Variants in PTPRM observed in about 807,000 individuals in gnomAD.
PTPRM encodes the protein protein tyrosine phosphatase receptor type M.
In PTPRM, 47 loss-of-function variants were observed where a neutral mutation model predicts 186.7. That is an observed-to-expected ratio of 0.25 (90% CI 0.20 to 0.32). The LOEUF (loss-of-function observed/expected upper bound fraction) is 0.32, where lower values mean the gene tolerates loss of function less well. Ranked by LOEUF, PTPRM falls within the 10% of genes least tolerant of loss-of-function variation. The probability of loss-of-function intolerance (pLI) is 1.00; values close to 1 mark genes in which losing one functional copy is unlikely to be tolerated. For missense variants in PTPRM, 1,494 were observed against 1,865.0 expected, an observed-to-expected ratio of 0.80 and a Z score of 3.66; for synonymous variants, 668 against 674.9, an observed-to-expected ratio of 0.99 and a Z score of 0.16.
chr18:7,618,880 A>C (rs890997694), intron 1 of PTPRM, among the ~76,000 whole-genome samples: 8 of 152,256 alleles, frequency 5.3e-5, no homozygotes, highest in African/African-American at 1.9e-4. Context: ...AAATGCAGCA[A>C]AGCAAATAAT....
At chr18:7,659,754 T>C (rs3937100) in intron 1 of PTPRM, among the ~76,000 whole-genome samples, 149,563 of 152,290 alleles carry the variant, frequency 0.98, 73,448 homozygotes, top group East Asian at 1. Flanking sequence ...TTGGGGTGCC[T>C]CTGGCAATGA....
At chr18:7,866,275 C>A (rs1396186145) in intron 2 of PTPRM, among the ~76,000 whole-genome samples, 1 of 151,964 alleles carries the variant, frequency 6.6e-6, no homozygotes, top group Non-Finnish European at 1.5e-5. Context: ...TTAATTGTGA[C>A]GTTAGAGTGT....
intron 1 of PTPRM, among the ~76,000 whole-genome samples, chr18:7,675,027 G>T (rs1281681378): frequency 3.9e-5 from 6 of 152,168 alleles, no homozygotes; most frequent in Non-Finnish European, 7.3e-5. Flanking sequence ...AAAGAGTGTT[G>T]TAAGTTGACA....
At chr18:7,589,206 G>A (rs1045491878) in intron 1 of PTPRM, among the ~76,000 whole-genome samples, 2 of 152,180 alleles carry the variant, frequency 1.3e-5, no homozygotes, top group African/African-American at 4.8e-5. Context: ...AAGCCCTCCA[G>A]CGAATGTCTG....
At chr18:7,914,615 CTAT>C (rs111719506) in intron 4 of PTPRM, among the ~76,000 whole-genome samples, 2 of 151,536 alleles carry the variant, frequency 1.3e-5, no homozygotes, top group Non-Finnish European at 1.5e-5. Context: ...TTAATGTTAA[CTAT>C]TATTATTATT....
intron 1 of PTPRM, among the ~76,000 whole-genome samples, chr18:7,610,324 C>A (rs2037641677): frequency 6.6e-6 from 1 of 152,096 alleles, no homozygotes; most frequent in South Asian, 2.1e-4. Context: ...ACTTTAAAAT[C>A]TGGGTGTCTT....
intron 7 of PTPRM, among the ~76,000 whole-genome samples, chr18:8,063,366 T>G (rs1018136189): frequency 4.6e-5 from 7 of 151,746 alleles, no homozygotes; most frequent in Middle Eastern, 3.4e-3. Flanking sequence ...CCTAGTGAGA[T>G]GAACCCGGTA....
At chr18:8,135,990 G>C (rs929650615) in intron 13 of PTPRM, among the ~76,000 whole-genome samples, 5 of 152,220 alleles carry the variant, frequency 3.3e-5, no homozygotes, top group African/African-American at 1.2e-4. Flanking sequence ...AAGCTGTGGT[G>C]ATCCTTTCTC....
Position 8,081,982 on chromosome 18 carries a change from G to T in PTPRM, c.1552-3689G>T, listed in dbSNP as rs139011704. Among the ~76,000 whole-genome samples the T allele has an allele frequency of 9.1e-3, 1,379 of 152,218 alleles. 11 individuals are homozygous for T. The highest frequency in any genetic ancestry group is 0.021 in the East Asian group (111 of 5,164). ...TTATTTTGCAGCCACAAGGCTTTCA[G>T]CAAGTCCAAGCCCATCAGCCCTGCT... On this transcript the variant is annotated intron_variant, in intron 9 of 32. Transcript: ENST00000580170.
chr18:7,771,122 A>G (rs1448926731), intron 1 of PTPRM, among the ~76,000 whole-genome samples: 1 of 152,138 alleles, frequency 6.6e-6, no homozygotes. Flanking sequence ...ATGTGGTTCT[A>G]TTTTAGTGCA....
At chr18:7,802,358 T>C (rs915581405) in intron 2 of PTPRM, among the ~76,000 whole-genome samples, 9 of 152,078 alleles carry the variant, frequency 5.9e-5, no homozygotes, top group African/African-American at 2.2e-4. Context: ...TTTCAGAGCT[T>C]TCAAAGTTAA....
At chr18:8,028,950 G>A (rs1171641387) in intron 7 of PTPRM, among the ~76,000 whole-genome samples, 1 of 152,174 alleles carries the variant, frequency 6.6e-6, no homozygotes, top group Non-Finnish European at 1.5e-5. Context: ...TACTTGTAGA[G>A]CATTCTAATC....
intron 1 of PTPRM, among the ~76,000 whole-genome samples, chr18:7,739,563 C>T (rs2040845126): frequency 6.6e-6 from 1 of 152,210 alleles, no homozygotes; most frequent in Non-Finnish European, 1.5e-5. Flanking sequence ...CAACCATTTT[C>T]CTTTTGCTTT....
chr18:8,206,154 T>C (rs962580499), intron 14 of PTPRM, among the ~76,000 whole-genome samples: 1 of 151,950 alleles, frequency 6.6e-6, no homozygotes, highest in Non-Finnish European at 1.5e-5. Flanking sequence ...CACCAAGAAA[T>C]GGCTATTGTA....
At chr18:7,758,843 A>G (rs2041632358) in intron 1 of PTPRM, among the ~76,000 whole-genome samples, 1 of 152,126 alleles carries the variant, frequency 6.6e-6, no homozygotes, top group Non-Finnish European at 1.5e-5. Flanking sequence ...GAATTTTTGA[A>G]TCAGTGAAGT....
At chr18:7,655,806 G>C (rs946061856) in intron 1 of PTPRM, among the ~76,000 whole-genome samples, 1 of 152,170 alleles carries the variant, frequency 6.6e-6, no homozygotes, top group Non-Finnish European at 1.5e-5. Flanking sequence ...TATGTTTTAT[G>C]ATTCCAGTTA....
At chr18:8,324,373 A>T (rs2095363275) in intron 22 of PTPRM, among the ~76,000 whole-genome samples, 1 of 152,186 alleles carries the variant, frequency 6.6e-6, no homozygotes, top group Non-Finnish European at 1.5e-5. Context: ...ATTCGTGCTG[A>T]AAAGTTTATG....
At chr18:8,035,024 C>G (rs1408392667) in intron 7 of PTPRM, among the ~76,000 whole-genome samples, 1 of 152,132 alleles carries the variant, frequency 6.6e-6, no homozygotes, top group Non-Finnish European at 1.5e-5. Context: ...CACATAATCC[C>G]CTTAGCAAAG....
chr18:8,152,909 G>C (rs950157599), intron 14 of PTPRM, among the ~76,000 whole-genome samples: 1 of 151,656 alleles, frequency 6.6e-6, no homozygotes, highest in Non-Finnish European at 1.5e-5. Context: ...GTAGAGACAG[G>C]GTTTCACCAT....
Sources: gnomAD v4.1 joint callset for allele counts (sites outside exome capture counted in the v4.1 genomes callset) on GRCh38, gnomAD v4.1.1 for gene constraint, MANE v1.5 for transcripts, NCBI Gene and HGNC (gene_info 2026-07-23, HGNC 2026-07-21) for gene names.